IMP4: variants seen among roughly 807,000 people sequenced by gnomAD.
IMP4 encodes IMP U3 small nucleolar ribonucleoprotein 4.
A neutral mutation model predicts 42.7 loss-of-function variants in IMP4; 30 were observed. That is an observed-to-expected ratio of 0.70 (90% CI 0.53 to 0.95). IMP4 has a LOEUF of 0.95. Among genes scored for constraint, IMP4 ranks in the 40% least tolerant of loss-of-function variants. IMP4 has a pLI of 0.00. For missense variants in IMP4, 382 were observed against 411.4 expected (o/e 0.93, Z 0.62); for synonymous variants, 165 against 165.2 (o/e 1.00, Z 0.01).
intron 2 of IMP4, 124 bp downstream of exon 2, chr2:130,343,318 TG>T (rs1442371344): frequency 6.6e-6 from 5 of 758,306 alleles, no homozygotes; most frequent in Non-Finnish European, 1.2e-5. Flanking sequence ...GTTCTCCTGT[TG>T]GTTTTGAGAG....
Position 130,347,500 on chromosome 2 carries a change from G to A in IMP4, c.*1032G>A, listed in dbSNP as rs1679665585. 6.6e-6 allele frequency: 1 copy of A among 152,216 alleles called. No individual in the cohort carries two copies. Among genetic ancestry groups the A allele is most frequent in the African/African-American group, 2.4e-5 (1 of 41,434 alleles). The allele number at this position is 152,216 out of a possible 1,614,324, so 9.4% of individuals were successfully genotyped here. A position where few individuals can be genotyped will look rare whatever the true frequency, so the allele number is the denominator to read the frequency against. On this transcript the variant is annotated 3_prime_UTR_variant, in exon 9 of 9. Transcript: ENST00000259239. ...GTTGTTGACTTGAGTCCCTTATATAGTTTGGATACTGCTGTGGCCTGAATG... is the reference window on the plus strand; with the variant it reads ...GTTGTTGACTTGAGTCCCTTATATAATTTGGATACTGCTGTGGCCTGAATG...
At chr2:130,344,347 A>G (rs948748035) in intron 2 of IMP4, among the ~76,000 whole-genome samples, 1 of 151,992 alleles carries the variant, frequency 6.6e-6, no homozygotes, top group Non-Finnish European at 1.5e-5. Context: ...AAAAAAATCG[A>G]TGTTTAGATT....
In IMP4 at chr2:130,345,587, G is replaced by C. The variant is rs1679475048; in HGVS notation, c.327G>C (p.Pro109=). 3 of 1,614,170 alleles carry C rather than the reference G, an allele frequency of 1.9e-6. No homozygotes were observed. Among genetic ancestry groups the C allele is most frequent in the Non-Finnish European group, 2.5e-6 (3 of 1,180,034 alleles). ...CCCAGGAGCTGAAGCTGGTGTTCCC[G>C]GGCGCCCAGCGAATGAACCGAGGTC... ...MFAKELKLVF[P]GAQRMNRGRH... The change falls in exon 5 of 9, where the codon CCG becomes CCC. Residue 109 remains proline, a synonymous_variant. Coordinates refer to ENST00000259239, the MANE Select transcript of IMP4 (RefSeq NM_033416.3). The surrounding 1 kb of genome is among the most constrained non-coding windows in gnomAD (Gnocchi z 4.9).
In IMP4 at chr2:130,343,186, C is replaced by T. The variant is rs1402812478; in HGVS notation, c.104C>T (p.Ala35Val). 2.6e-6 allele frequency: 4 copies of T among 1,547,180 alleles called. No individual in the cohort carries two copies. The highest frequency in any genetic ancestry group is 3.5e-6 in the Non-Finnish European group (4 of 1,144,208). ...AQERKERLRR[A>V]LEENRLIPTE... ...GAGAGGAAGGAGCGGCTGCGGCGCG[C>T]GCTGGAAGGTAAGGCATCGGCCCCG... is the stretch of plus-strand genomic sequence containing the variant. Residue 35 changes from alanine to valine, a missense_variant, in exon 2 of 9, where the codon GCG becomes GTG. By Grantham distance (64) the Ala-to-Val change is moderately conservative. Coordinates refer to ENST00000259239, the MANE Select transcript of IMP4 (RefSeq NM_033416.3).
At position 130,347,911 on chromosome 2, in the gene IMP4, T is replaced by G. The variant is rs888965866; in HGVS notation, c.*1443T>G. 6.6e-6 allele frequency: 1 copy of G among 152,272 alleles called. No homozygotes were observed. 9.4% of individuals were successfully genotyped at this position (152,272 alleles called of 1,614,324 possible). The stretch of plus-strand genomic sequence containing the variant: ...AATAGTTTTTCCCACTCTGTAGATA[T>G]AGCCATTGAGAAGCTCCTCAAGATA... On this transcript the variant is annotated 3_prime_UTR_variant, in exon 9 of 9. Coordinates refer to ENST00000259239, the MANE Select transcript of IMP4 (RefSeq NM_033416.3).
intron 2 of IMP4, 160 bp downstream of exon 2, chr2:130,343,354 A>G: frequency 2.8e-6 from 2 of 723,292 alleles, no homozygotes; most frequent in South Asian, 3.0e-5. Context: ...GATGGTATTA[A>G]TTACTTGTCA....
At chr2:130,343,859 C>T (rs546721855) in intron 2 of IMP4, among the ~76,000 whole-genome samples, 2 of 152,340 alleles carry the variant, frequency 1.3e-5, no homozygotes, top group South Asian at 4.1e-4. Context: ...CAGTGCTGGC[C>T]CCGAGTGCGC....
Position 130,343,021 on chromosome 2 carries a change from C to G in IMP4, c.4-65C>G, listed in dbSNP as rs930120685. On this transcript the variant is annotated intron_variant, in intron 1 of 8. Transcript: ENST00000259239. Reference sequence around the variant, plus strand: ...CTGGGGACTTGGAGGCTCAGCGGCTCCGGGGCTCCGGGGTTCCGGGGCTCG... The same window carrying G: ...CTGGGGACTTGGAGGCTCAGCGGCTGCGGGGCTCCGGGGTTCCGGGGCTCG... 8.1e-6 allele frequency: 13 copies of G among 1,606,594 alleles called. No individual in the cohort carries two copies. In the Admixed American group the frequency reaches 2.2e-4, roughly 27 times the overall value.
At chr2:130,344,839 C>T (rs1375115264) in intron 3 of IMP4, 127 bp downstream of exon 3, 1 of 697,118 alleles carries the variant, frequency 1.4e-6, no homozygotes, top group Non-Finnish European at 2.6e-6. Context: ...CTTGTCACTG[C>T]ACAGATGGCA....
intron 2 of IMP4, among the ~76,000 whole-genome samples, chr2:130,343,762 C>A (rs921331539): frequency 1.5e-4 from 22 of 150,772 alleles, no homozygotes; most frequent in Admixed American, 1.1e-3. Flanking sequence ...AAAAGAAATT[C>A]TCTCTAAAGA....
At chr2:130,343,465 C>G (rs1303139000) in intron 2 of IMP4, 1 of 615,178 alleles carries the variant, frequency 1.6e-6, no homozygotes, top group Non-Finnish European at 3.1e-6. Context: ...TAGAAATTCT[C>G]TTTAGAGCGG....
At chr2:130,346,165 G>A in intron 7 of IMP4, 36 bp from the exon 8 acceptor site, 1 of 1,613,376 alleles carries the variant, frequency 6.2e-7, no homozygotes, top group Non-Finnish European at 8.5e-7. Context: ...TGTACCTCGT[G>A]CTGCTTGCCG....
chr2:130,344,740 C>T, intron 3 of IMP4, 28 bp downstream of exon 3: 3 of 1,500,124 alleles, frequency 2.0e-6, no homozygotes, highest in Non-Finnish European at 2.8e-6. Context: ...CCCTCCCCAA[C>T]ACTGAGCTGG....
Position 130,343,111 on chromosome 2 carries a change from G to T in IMP4, c.29G>T (p.Arg10Leu). 6.4e-7 allele frequency: 1 copy of T among 1,556,576 alleles called. No individual in the cohort carries two copies. Among genetic ancestry groups the T allele is most frequent in the African/African-American group, 1.4e-5 (1 of 73,414 alleles). The change falls in exon 2 of 9, where the codon CGC (arginine) becomes CTC (leucine). Residue 10 changes from arginine (R) to leucine (L), a missense_variant. Transcript: ENST00000259239. MLRREARLRREYLYRKAREE... is the reference protein window; with the variant it reads MLRREARLRLEYLYRKAREE... ...CTGCGCCGCGAGGCCCGCCTGCGCC[G>T]CGAGTACCTGTACCGCAAGGCCCGG... is the stretch of plus-strand genomic sequence containing the variant.
intron 2 of IMP4, among the ~76,000 whole-genome samples, chr2:130,344,316 C>T (rs990543106): frequency 6.6e-5 from 10 of 150,772 alleles, no homozygotes; most frequent in African/African-American, 9.8e-5. Context: ...GGTGACAGAG[C>T]GAGACTCCGT....
At position 130,346,562 on chromosome 2, in the gene IMP4, G is replaced by GC. The variant is rs1679592608; in HGVS notation, c.*95dup. On this transcript the variant is annotated 3_prime_UTR_variant, in exon 9 of 9. Coordinates refer to ENST00000259239, the MANE Select transcript of IMP4 (RefSeq NM_033416.3). ...AGTAGGAACTGTCACAGAATGGCCT[G>GC]CTGAACTGGGATGTGGAACTGTGGC... 2.3e-6 allele frequency: 2 copies of GC among 874,952 alleles called. No homozygotes were observed. The highest frequency in any genetic ancestry group is 1.7e-5 in the African/African-American group (1 of 60,270). 54.2% of individuals were successfully genotyped at this position (874,952 alleles called of 1,614,324 possible).
At chr2:130,344,260 G>C (rs1365722181) in intron 2 of IMP4, among the ~76,000 whole-genome samples, 2 of 152,102 alleles carry the variant, frequency 1.3e-5, no homozygotes, top group Non-Finnish European at 1.5e-5. Context: ...CCCAGGAAGC[G>C]GAGCTTGCAG....
chr2:130,345,446 C>T lies in IMP4; in HGVS notation c.267C>T (p.Thr89=), dbSNP rs781280582. 1.9e-6 allele frequency: 3 copies of T among 1,613,984 alleles called. No homozygotes were observed. The highest frequency in any genetic ancestry group is 2.5e-6 in the Non-Finnish European group (3 of 1,180,008). Residue 89 remains threonine (T), a synonymous_variant, in exon 4 of 9, where the codon ACC becomes ACT. Transcript: ENST00000259239. The surrounding 1 kb of genome is among the most constrained non-coding windows in gnomAD (Gnocchi z 4.9). ...GVEDPKVMIT[T]SRDPSSRLKM... is the part of the protein sequence containing the mutation. The stretch of plus-strand genomic sequence containing the variant: ...AGGATCCCAAGGTTATGATCACTAC[C>T]TCCCGAGACCCCAGTTCCCGCCTCA...
chr2:130,346,478 C>T lies in IMP4; in HGVS notation c.*10C>T, dbSNP rs778773468. ...CCTGAGCACCGAGTGAGCACACTCA[C>T]CACTCAGTCAGGACATGGACTTGGA... On this transcript the variant is annotated 3_prime_UTR_variant, in exon 9 of 9. Coordinates refer to ENST00000259239, the MANE Select transcript of IMP4 (RefSeq NM_033416.3). 3.9e-6 allele frequency: 6 copies of T among 1,533,164 alleles called. No individual in the cohort carries two copies. In the Admixed American group the frequency reaches 5.9e-5, roughly 15 times the overall value. 95.0% of individuals were successfully genotyped at this position (1,533,164 alleles called of 1,614,324 possible).
Sources: gnomAD v4.1 joint callset for allele counts (sites outside exome capture counted in the v4.1 genomes callset) on GRCh38, gnomAD v4.1.1 for gene constraint, Gnocchi (gnomAD v3.1) non-coding constraint, MANE v1.5 for transcripts, NCBI Gene and HGNC (gene_info 2026-07-23, HGNC 2026-07-21) for gene names.